The following RANBP2 variants were observed in gnomAD, a reference collection of about 807,000 sequenced individuals.
RANBP2 encodes the protein E3 SUMO-protein ligase RanBP2.
A neutral mutation model predicts 303.6 loss-of-function variants in RANBP2; 57 were observed. The observed-to-expected ratio is 0.19, with a 90% confidence interval of 0.15 to 0.23. RANBP2 has a LOEUF of 0.23. Ranked by LOEUF, RANBP2 falls within the 10% of genes least tolerant of loss-of-function variation. RANBP2 has a pLI of 1.00. For missense variants in RANBP2, 3,138 were observed against 3,780.8 expected (o/e 0.83, Z 4.46); for synonymous variants, 1,167 against 1,301.5 (o/e 0.90, Z 2.23).
chr2:108,912,633 G>A, the RANBP2 span: 1 of 1,504,162 alleles, frequency 6.6e-7, no homozygotes, highest in South Asian at 1.2e-5. Context: ...TTTCATCCGA[G>A]TACCACCTAA....
chr2:109,276,205 A>G, the RANBP2 span, among the ~76,000 whole-genome samples: 3 of 152,230 alleles, frequency 2.0e-5, no homozygotes, highest in Non-Finnish European at 4.4e-5. Context: ...GTTCTCCCAC[A>G]TCACCATATG....
the RANBP2 span, among the ~76,000 whole-genome samples, chr2:109,284,099 G>A: frequency 2.0e-5 from 3 of 152,118 alleles, no homozygotes; most frequent in Non-Finnish European, 4.4e-5. Context: ...CAGATCCACC[G>A]TAATGAAAGA....
At chr2:109,242,539 A>C in the RANBP2 span, among the ~76,000 whole-genome samples, 5 of 152,312 alleles carry the variant, frequency 3.3e-5, no homozygotes, top group Non-Finnish European at 7.4e-5. Flanking sequence ...CAACAAGGCC[A>C]AGTGGGAAGC....
At chr2:109,620,538 C>T in the RANBP2 span, among the ~76,000 whole-genome samples, 2 of 152,066 alleles carry the variant, frequency 1.3e-5, no homozygotes, top group South Asian at 2.1e-4. Context: ...CCAGTCTCTA[C>T]AAAAAATACA....
the RANBP2 span, among the ~76,000 whole-genome samples, chr2:109,683,341 G>A: frequency 6.6e-6 from 1 of 152,178 alleles, no homozygotes; most frequent in Admixed American, 6.5e-5. Flanking sequence ...TACACACTAG[G>A]ATGTCAGGCT....
At position 108,768,402 on chromosome 2, in the gene RANBP2, TGTTAAA is replaced by T. The variant is rs746373607; in HGVS notation, c.7849+20_7849+25del. 7.8e-5 allele frequency: 125 copies of T among 1,610,362 alleles called. 1 individual carries two copies. Among genetic ancestry groups the T allele is most frequent in the East Asian group, 2.9e-4 (13 of 44,880 alleles). ...CACCAGAAAAGGGTAAGTACTTTGTTGTTAAAGTTAAGCACAATTTTTCTTTCTTTT... is the reference window on the plus strand; with the variant it reads ...CACCAGAAAAGGGTAAGTACTTTGTTGTTAAGCACAATTTTTCTTTCTTTT... On this transcript the variant is annotated intron_variant, in intron 20 of 28. Coordinates refer to ENST00000283195, the MANE Select transcript of RANBP2 (RefSeq NM_006267.5).
At chr2:109,336,629 A>C in the RANBP2 span, among the ~76,000 whole-genome samples, 8 of 152,266 alleles carry the variant, frequency 5.3e-5, no homozygotes, top group Admixed American at 5.2e-4. Flanking sequence ...GCAGCAAACC[A>C]GGAGAGCATT....
chr2:109,199,333 TGG>T, the RANBP2 span, among the ~76,000 whole-genome samples: 19 of 146 alleles, frequency 0.13, no homozygotes, highest in Admixed American at 0.17. Flanking sequence ...AAAAGTAAAA[TGG>T]AATGGAATGG....
chr2:109,073,755 C>G, the RANBP2 span, among the ~76,000 whole-genome samples: 2 of 149,822 alleles, frequency 1.3e-5, no homozygotes, highest in Non-Finnish European at 3.0e-5. Flanking sequence ...CACCACCCAG[C>G]AGATCTACAT....
the RANBP2 span, among the ~76,000 whole-genome samples, chr2:109,416,809 G>A: frequency 1.3e-5 from 2 of 151,652 alleles, no homozygotes; most frequent in Non-Finnish European, 2.9e-5. Flanking sequence ...AGGAGGCTAA[G>A]TCGGGAGAAT....
At chr2:109,615,571 T>TG in the RANBP2 span, 1 of 1,613,878 alleles carries the variant, frequency 6.2e-7, no homozygotes, top group South Asian at 1.1e-5. Flanking sequence ...AAGCTGCTGG[T>TG]GGGGGCCTAC....
chr2:109,395,522 C>T, the RANBP2 span, among the ~76,000 whole-genome samples: 18 of 152,294 alleles, frequency 1.2e-4, no homozygotes, highest in African/African-American at 4.1e-4. Flanking sequence ...CTTACTTCTC[C>T]TGCCGTCTGT....
the RANBP2 span, among the ~76,000 whole-genome samples, chr2:109,799,291 G>T: frequency 8.7e-6 from 1 of 115,082 alleles, no homozygotes; most frequent in Non-Finnish European, 1.7e-5. Context: ...TTTATGTGCT[G>T]TCCTGACTGT....
the RANBP2 span, among the ~76,000 whole-genome samples, chr2:109,580,402 A>C: frequency 6.6e-6 from 1 of 151,794 alleles, no homozygotes; most frequent in Non-Finnish European, 1.5e-5. Context: ...CTTTAAAAAA[A>C]GAACTTTTAC....
At chr2:109,189,572 T>C in the RANBP2 span, among the ~76,000 whole-genome samples, 1 of 152,022 alleles carries the variant, frequency 6.6e-6, no homozygotes, top group Non-Finnish European at 1.5e-5. Context: ...TTTCACTATA[T>C]TGGAAAGGCT....
chr2:109,200,304 C>T, the RANBP2 span, among the ~76,000 whole-genome samples: 1 of 152,128 alleles, frequency 6.6e-6, no homozygotes, highest in Non-Finnish European at 1.5e-5. Context: ...GCTCAGAGGC[C>T]TTCCCAGACC....
chr2:109,170,294 CTTCTCTTCTCTTCTCT>C, the RANBP2 span, among the ~76,000 whole-genome samples: 2 of 129,132 alleles, frequency 1.5e-5, no homozygotes, highest in East Asian at 2.6e-4. Flanking sequence ...CTTCTCTTCT[CTTCTCTTCTCTTCTCT>C]TCTCTCCTCT....
chr2:109,478,129 A>T, the RANBP2 span, among the ~76,000 whole-genome samples: 2 of 152,194 alleles, frequency 1.3e-5, no homozygotes, highest in African/African-American at 4.8e-5. Flanking sequence ...GCCGGAGAGG[A>T]GCTGCCTGAT....
At chr2:109,523,287 G>A in the RANBP2 span, among the ~76,000 whole-genome samples, 1 of 152,190 alleles carries the variant, frequency 6.6e-6, no homozygotes, top group Non-Finnish European at 1.5e-5. Flanking sequence ...ACACCTAGGG[G>A]AAGTGACCCA....
Sources: gnomAD v4.1 joint callset for allele counts (sites outside exome capture counted in the v4.1 genomes callset) on GRCh38, gnomAD v4.1.1 for gene constraint, MANE v1.5 for transcripts, NCBI Gene and HGNC (gene_info 2026-07-23, HGNC 2026-07-21) for gene names.